The following AGBL4 variants were observed in gnomAD, a reference collection of about 807,000 sequenced individuals.
The protein encoded by AGBL4 is AGBL carboxypeptidase 4.
In AGBL4, 58 loss-of-function variants were observed where a neutral mutation model predicts 66.4. That is an observed-to-expected ratio of 0.87 (90% CI 0.71 to 1.09). AGBL4 has a LOEUF of 1.09. Among genes scored for constraint, AGBL4 ranks in the 50% least tolerant of loss-of-function variants. The pLI is 0.00. For missense variants in AGBL4, 579 were observed against 631.0 expected (o/e 0.92, Z 0.88); for synonymous variants, 234 against 222.9 (o/e 1.05, Z -0.44).
At chr1:49,239,958 CT>C (rs1301944946) in intron 4 of AGBL4, among the ~76,000 whole-genome samples, 1 of 151,630 alleles carries the variant, frequency 6.6e-6, no homozygotes, top group Admixed American at 6.6e-5. Flanking sequence ...AAATGTATGA[CT>C]TTTTTTAGCT....
intron 2 of AGBL4, among the ~76,000 whole-genome samples, chr1:49,769,494 G>A (rs929989558): frequency 3.9e-5 from 6 of 151,984 alleles, no homozygotes; most frequent in Non-Finnish European, 7.4e-5. Flanking sequence ...CCAAAAAAGC[G>A]CCTGAATAGC....
At chr1:49,431,293 T>A (rs915685475) in intron 3 of AGBL4, among the ~76,000 whole-genome samples, 16 of 152,316 alleles carry the variant, frequency 1.1e-4, no homozygotes, top group Admixed American at 1.0e-3. Flanking sequence ...CATGTAAATA[T>A]AAAGTACTAT....
intron 5 of AGBL4, among the ~76,000 whole-genome samples, chr1:48,909,810 G>A (rs1209491278): frequency 1.3e-5 from 2 of 152,168 alleles, no homozygotes; most frequent in African/African-American, 4.8e-5. Context: ...TTATTGAGAA[G>A]GAATTGAAAG....
At chr1:49,181,025 C>T (rs1646921721) in intron 4 of AGBL4, among the ~76,000 whole-genome samples, 1 of 152,100 alleles carries the variant, frequency 6.6e-6, no homozygotes, top group African/African-American at 2.4e-5. Context: ...GAGCCAAATT[C>T]CTGTTTCCAG....
chr1:49,534,306 G>A (rs181082810), intron 3 of AGBL4, among the ~76,000 whole-genome samples: 91 of 150,990 alleles, frequency 6.0e-4, no homozygotes, highest in Non-Finnish European at 1.2e-3. Context: ...AAATTAGTTA[G>A]TCAAAAAAGC....
At chr1:48,816,048 TGTG>T (rs1646165721) in intron 6 of AGBL4, among the ~76,000 whole-genome samples, 3 of 1,444 alleles carry the variant, frequency 2.1e-3, no homozygotes, top group Non-Finnish European at 0.015. Flanking sequence ...AACTGTTTTG[TGTG>T]TGTGTGTGTG....
intron 9 of AGBL4, among the ~76,000 whole-genome samples, chr1:48,598,765 C>T (rs1262239413): frequency 6.6e-6 from 1 of 151,922 alleles, no homozygotes; most frequent in Non-Finnish European, 1.5e-5. Context: ...TGTCAGCCAC[C>T]ACGCCTGGCC....
chr1:49,988,433 G>T (rs182510541), intron 1 of AGBL4, among the ~76,000 whole-genome samples: 1 of 152,228 alleles, frequency 6.6e-6, no homozygotes, highest in African/African-American at 2.4e-5. Flanking sequence ...ATTACCCAGG[G>T]CTTTGCAGAG....
intron 1 of AGBL4, among the ~76,000 whole-genome samples, chr1:49,970,626 G>A (rs1319655465): frequency 6.6e-6 from 1 of 151,494 alleles, no homozygotes; most frequent in Non-Finnish European, 1.5e-5. Context: ...AACCAAGGAG[G>A]TGGAGGTTGT....
intron 6 of AGBL4, among the ~76,000 whole-genome samples, chr1:48,742,298 G>A (rs1025822912): frequency 1.3e-5 from 2 of 152,072 alleles, no homozygotes; most frequent in Non-Finnish European, 2.9e-5. Context: ...AGGAAGGTGG[G>A]ACAAGTTTCA....
intron 1 of AGBL4, among the ~76,000 whole-genome samples, chr1:49,904,651 T>G (rs763496231): frequency 1.1e-4 from 17 of 152,194 alleles, no homozygotes; most frequent in Non-Finnish European, 2.4e-4. Flanking sequence ...ATGTATAGCA[T>G]AATCAAATCA....
At chr1:49,906,843 A>G (rs1650324945) in intron 1 of AGBL4, among the ~76,000 whole-genome samples, 1 of 152,080 alleles carries the variant, frequency 6.6e-6, no homozygotes, top group Non-Finnish European at 1.5e-5. Context: ...GCAATAGCAA[A>G]AAGAGCCTGC....
intron 4 of AGBL4, among the ~76,000 whole-genome samples, chr1:49,129,117 A>G (rs1428918207): frequency 1.3e-5 from 2 of 152,032 alleles, no homozygotes; most frequent in Non-Finnish European, 2.9e-5. Context: ...TACTATCATC[A>G]GGCACTAAAA....
At chr1:49,431,096 G>A (rs1270552165) in intron 3 of AGBL4, among the ~76,000 whole-genome samples, 1 of 152,128 alleles carries the variant, frequency 6.6e-6, no homozygotes. Context: ...GCTGCTATGG[G>A]CATGTGTTTT....
Position 49,795,546 on chromosome 1 carries a change from C to G in AGBL4, c.157+55850G>C, listed in dbSNP as rs535455033. Among the ~76,000 whole-genome samples, 6 of 151,730 alleles carry G rather than the reference C, an allele frequency of 4.0e-5. No individual in the cohort carries two copies. In the East Asian group the frequency reaches 9.7e-4, roughly 24 times the overall value. On this transcript the variant is annotated intron_variant, in intron 2 of 13. Transcript: ENST00000371839. ...TTACTGAAGTATTCCAGAGTTATGGCCCAGGAGTATGCATTTTCATAAGCA... is the reference window on the plus strand; with the variant it reads ...TTACTGAAGTATTCCAGAGTTATGGGCCAGGAGTATGCATTTTCATAAGCA...
At chr1:49,741,852 A>C (rs542457977) in intron 2 of AGBL4, among the ~76,000 whole-genome samples, 5 of 151,918 alleles carry the variant, frequency 3.3e-5, no homozygotes, top group African/African-American at 7.3e-5. Context: ...ATTCAACAAC[A>C]CTTCATGCTA....
intron 3 of AGBL4, among the ~76,000 whole-genome samples, chr1:49,668,650 A>G (rs1646415830): frequency 6.6e-6 from 1 of 152,200 alleles, no homozygotes; most frequent in Admixed American, 6.6e-5. Context: ...GTTTACTGTA[A>G]CGAAGGAAAG....
intron 4 of AGBL4, among the ~76,000 whole-genome samples, chr1:49,224,902 A>G (rs1448214723): frequency 6.6e-6 from 1 of 152,242 alleles, no homozygotes; most frequent in Admixed American, 6.5e-5. Context: ...TTCATGATAC[A>G]TCCAGCATCT....
At chr1:49,901,779 C>T (rs755550022) in intron 1 of AGBL4, among the ~76,000 whole-genome samples, 2 of 152,152 alleles carry the variant, frequency 1.3e-5, no homozygotes, top group African/African-American at 2.4e-5. Flanking sequence ...CATTATCCAA[C>T]TTCAAACTAT....
Sources: allele counts gnomAD v4.1 joint callset (sites outside exome capture counted in the v4.1 genomes callset), GRCh38; gene constraint gnomAD v4.1.1; transcripts MANE v1.5; gene names NCBI Gene and HGNC (gene_info 2026-07-23, HGNC 2026-07-21).